The following UTRN variants were observed in gnomAD, a reference collection of about 807,000 sequenced individuals.
The protein encoded by UTRN is dystrophin-related protein 1.
Under a neutral mutation model 463.9 loss-of-function variants are expected in UTRN, and 283 were observed. That is an observed-to-expected ratio of 0.61 (90% CI 0.55 to 0.67). UTRN has a LOEUF of 0.67. UTRN is among the 30% of genes least tolerant of loss of function. The pLI, the probability that UTRN is intolerant of heterozygous loss-of-function variation, is 0.00. For missense variants in UTRN, 3,922 were observed against 4,084.3 expected, an observed-to-expected ratio of 0.96 and a Z score of 1.08; for synonymous variants, 1,442 against 1,431.5, an observed-to-expected ratio of 1.01 and a Z score of -0.17.
At chr6:144,481,470 T>C (rs1288331968) in intron 26 of UTRN, among the ~76,000 whole-genome samples, 3 of 152,212 alleles carry the variant, frequency 2.0e-5, no homozygotes, top group Non-Finnish European at 4.4e-5. Context: ...GTTCTATAAT[T>C]TTTTAAAAAG....
intron 2 of UTRN, among the ~76,000 whole-genome samples, chr6:144,360,085 CCCTT>C (rs1778927493): frequency 3.2e-5 from 3 of 94,886 alleles, no homozygotes; most frequent in East Asian, 6.6e-4. Context: ...CCCTTCCCTT[CCCTT>C]CCCTCCCCTC....
chr6:144,708,052 A>AT (rs146429213), intron 53 of UTRN: 19,802 of 188,642 alleles, frequency 0.1, 1,525 homozygotes, highest in East Asian at 0.44. Flanking sequence ...TTTTTACAGT[A>AT]TTTTTTTGAA....
In UTRN at chr6:144,731,537, A is replaced by G. The variant is rs1788517501; in HGVS notation, c.7939+1051A>G. On this transcript the variant is annotated intron_variant, in intron 54 of 74. Transcript: ENST00000367545. ...TAGTTAGAAAATGCTTTCTTTGACT[A>G]TAACTGGAACTGGATCAGACATATG... is the stretch of plus-strand genomic sequence containing the variant. Among the ~76,000 whole-genome samples, 4 of 148,848 alleles carry G rather than the reference A, an allele frequency of 2.7e-5. No individual in the cohort carries two copies. The South Asian group carries it at 6.6e-4, about 25-fold the overall frequency.
At chr6:144,443,343 T>A (rs748069845) in intron 13 of UTRN, among the ~76,000 whole-genome samples, 1 of 152,202 alleles carries the variant, frequency 6.6e-6, no homozygotes, top group Non-Finnish European at 1.5e-5. Flanking sequence ...ATGCCTTGAC[T>A]ATTTAGCAGT....
At chr6:144,524,117 CT>C (rs1305150811) in intron 41 of UTRN, among the ~76,000 whole-genome samples, 1 of 152,172 alleles carries the variant, frequency 6.6e-6, no homozygotes, top group East Asian at 1.9e-4. Flanking sequence ...TGTTCCTTCT[CT>C]TTTTTTCTAT....
In UTRN at chr6:144,499,320, G is replaced by A; in HGVS notation, c.4657G>A (p.Ala1553Thr). 1 of 1,613,706 alleles carries A rather than the reference G, an allele frequency of 6.2e-7. No homozygotes were observed. Among genetic ancestry groups the A allele is most frequent in the Non-Finnish European group, 8.5e-7 (1 of 1,179,744 alleles). ...SQLARKMKKEAASLSEWLSAT... is the reference protein window; with the variant it reads ...SQLARKMKKETASLSEWLSAT... The stretch of plus-strand genomic sequence containing the variant: ...GTTGGCCCGGAAAATGAAGAAAGAG[G>A]CTGCTTCTCTCTCTGAATGGCTTTC... Residue 1553 changes from alanine (A) to threonine (T), a missense_variant, in exon 34 of 75, where the codon GCT becomes ACT. By Grantham distance (58) the Ala-to-Thr change is moderately conservative. Coordinates refer to ENST00000367545, the MANE Select transcript of UTRN (RefSeq NM_007124.3).
At chr6:144,379,471 G>C (rs1280060914) in intron 2 of UTRN, among the ~76,000 whole-genome samples, 2 of 152,224 alleles carry the variant, frequency 1.3e-5, no homozygotes, top group Non-Finnish European at 2.9e-5. Flanking sequence ...CTCGGTCGAA[G>C]GCCACAGTTT....
chr6:144,844,609 T>C (rs1781868457), intron 73 of UTRN, among the ~76,000 whole-genome samples: 1 of 152,178 alleles, frequency 6.6e-6, no homozygotes. Context: ...TTACATTTTC[T>C]AGCTGGGAAG....
chr6:144,698,163 T>C (rs1181856467), intron 52 of UTRN, among the ~76,000 whole-genome samples: 1 of 152,164 alleles, frequency 6.6e-6, no homozygotes, highest in African/African-American at 2.4e-5. Flanking sequence ...TGAAATTATT[T>C]AGTTCTGCTC....
chr6:144,532,145 TA>T (rs1797117825), intron 42 of UTRN, among the ~76,000 whole-genome samples: 1 of 152,012 alleles, frequency 6.6e-6, no homozygotes. Context: ...AATAAATAAA[TA>T]AATAAATAAA....
chr6:144,548,013 T>G (rs1167247035), intron 46 of UTRN, among the ~76,000 whole-genome samples: 2 of 152,170 alleles, frequency 1.3e-5, no homozygotes, highest in Non-Finnish European at 2.9e-5. Context: ...TCAAAACCAA[T>G]CAATTTGGCA....
At chr6:144,439,650 A>G (rs7450848) in intron 12 of UTRN, among the ~76,000 whole-genome samples, 18,240 of 151,942 alleles carry the variant, frequency 0.12, 2,658 homozygotes, top group African/African-American at 0.35. Flanking sequence ...GTGCCACCAC[A>G]CCCAGCTAAT....
chr6:144,515,898 C>T (rs572111447), intron 37 of UTRN, among the ~76,000 whole-genome samples: 13 of 152,254 alleles, frequency 8.5e-5, no homozygotes, highest in Admixed American at 2.0e-4. Flanking sequence ...CTTTCTGTGG[C>T]CATGGTAAGG....
chr6:144,450,981 T>C (rs193253664), intron 17 of UTRN, among the ~76,000 whole-genome samples: 21 of 152,104 alleles, frequency 1.4e-4, no homozygotes, highest in Admixed American at 2.0e-4. Flanking sequence ...GGTGTGGTGG[T>C]GGGCACCTAT....
chr6:144,507,426 T>C (rs1794778945), intron 34 of UTRN, among the ~76,000 whole-genome samples: 1 of 152,154 alleles, frequency 6.6e-6, no homozygotes, highest in African/African-American at 2.4e-5. Flanking sequence ...ATCTTTGATG[T>C]TGGTGACCTT....
chr6:144,553,289 C>T (rs994668200), intron 48 of UTRN, among the ~76,000 whole-genome samples: 7 of 152,180 alleles, frequency 4.6e-5, no homozygotes, highest in Admixed American at 1.3e-4. Context: ...CCACCTGCCT[C>T]GGCCTCCCAA....
chr6:144,805,098 T>C (rs964890864), intron 65 of UTRN, among the ~76,000 whole-genome samples: 2 of 152,178 alleles, frequency 1.3e-5, no homozygotes, highest in Non-Finnish European at 2.9e-5. Flanking sequence ...TGATTTGTGC[T>C]GAAAATTTGC....
rs77733858 is a variant in UTRN, at chr6:144,519,053, A to T, written c.5541+2105A>T. Among the ~76,000 whole-genome samples the T allele has an allele frequency of 3.2e-3, 492 of 152,302 alleles. 13 individuals carry two copies. The East Asian group carries it at 0.055, about 17-fold the overall frequency. On this transcript the variant is annotated intron_variant, in intron 39 of 74. Coordinates refer to ENST00000367545, the MANE Select transcript of UTRN (RefSeq NM_007124.3). ...TGTACAATTAGGATTGAGAAGCACT[A>T]GTTTACAGGACTCATTGTCTTACCT...
rs376475528 is a variant in UTRN at position 144,785,485 on chromosome 6, G to A, written c.8834+3362G>A. Among the ~76,000 whole-genome samples the A allele has an allele frequency of 2.0e-5, 3 of 152,074 alleles. No individual in the cohort carries two copies. In the East Asian group the frequency reaches 5.8e-4, roughly 29 times the overall value. ...TTAAAGAACTAGTGTTCAGTCTTTT[G>A]ATAATCATTTGATTATTCTTACTAT... On this transcript the variant is annotated intron_variant, in intron 61 of 74. Transcript: ENST00000367545.
Sources: gnomAD v4.1 joint callset for allele counts (sites outside exome capture counted in the v4.1 genomes callset) on GRCh38, gnomAD v4.1.1 for gene constraint, MANE v1.5 for transcripts, NCBI Gene and HGNC (gene_info 2026-07-23, HGNC 2026-07-21) for gene names.